Variants in ADAM9 observed in about 807,000 individuals in gnomAD.
The protein encoded by ADAM9 is ADAM metallopeptidase domain 9.
ADAM9 carries 54 observed loss-of-function variants against 108.1 expected under a neutral mutation model. That is an observed-to-expected ratio of 0.50 (90% CI 0.40 to 0.63). The LOEUF is 0.63. ADAM9 is among the 20% of genes least tolerant of loss of function. The probability of loss-of-function intolerance (pLI) is 0.00; values close to 1 mark genes in which losing one functional copy is unlikely to be tolerated. For missense variants in ADAM9, 830 were observed against 997.7 expected (o/e 0.83, Z 2.26); for synonymous variants, 316 against 336.0 (o/e 0.94, Z 0.65).
chr8:39,093,360 A>G (rs1013553717), intron 20 of ADAM9, among the ~76,000 whole-genome samples: 8 of 152,084 alleles, frequency 5.3e-5, no homozygotes, highest in African/African-American at 1.7e-4. Context: ...GTCATTCTAA[A>G]TGGAATTTTT....
chr8:39,017,373 G>C lies in ADAM9; in HGVS notation c.565G>C (p.Asp189His), dbSNP rs780209541. The change falls in exon 6 of 22, where the codon GAT (aspartate) becomes CAT (histidine). Residue 189 changes from aspartate to histidine, a missense_variant. By Grantham distance (81) the Asp-to-His change is moderately conservative. This residue lies in a region of ADAM9 where 381 missense variants were observed against 539.8 expected (regional missense o/e 0.71). Coordinates refer to ENST00000487273, the MANE Select transcript of ADAM9 (RefSeq NM_003816.3). ...GGATATAGAGAAAGAAACTGCAAAG[G>C]ATGAAGAGGAAGAGCCTCCCAGCAT... Reference protein sequence around the residue: ...NKDIEKETAKDEEEEPPSMTQ... With the variant: ...NKDIEKETAKHEEEEPPSMTQ... 1 of 1,613,942 alleles carries C rather than the reference G, an allele frequency of 6.2e-7. No individual in the cohort carries two copies. Among genetic ancestry groups the C allele is most frequent in the African/African-American group, 1.3e-5 (1 of 74,892 alleles).
chr8:39,001,960 G>A (rs781687225), intron 1 of ADAM9, among the ~76,000 whole-genome samples: 1 of 148,100 alleles, frequency 6.8e-6, no homozygotes, highest in African/African-American at 2.5e-5. Context: ...GAGCCACCAC[G>A]CCCAGCCCAA....
intron 11 of ADAM9, 85 bp from the exon 12 acceptor site, chr8:39,041,861 C>A: frequency 8.1e-7 from 1 of 1,236,932 alleles, no homozygotes; most frequent in Non-Finnish European, 1.2e-6. Context: ...AAAATATTCA[C>A]ATTTTGTGGG....
At chr8:39,058,827 T>A (rs1198231683) in intron 14 of ADAM9, among the ~76,000 whole-genome samples, 1 of 152,228 alleles carries the variant, frequency 6.6e-6, no homozygotes, top group Non-Finnish European at 1.5e-5. Flanking sequence ...TCACTATGGA[T>A]AATGGTGAGT....
rs1838053616 is a variant in ADAM9 at position 39,054,533 on chromosome 8, T to G, written c.1355T>G (p.Phe452Cys). 1.2e-6 allele frequency: 2 copies of G among 1,612,802 alleles called. No homozygotes were observed. Among genetic ancestry groups the G allele is most frequent in the Non-Finnish European group, 1.7e-6 (2 of 1,179,472 alleles). ...GGAAGTACCTGTAAGCTTAAATCAT[T>G]TGCTGAGTGTGCATATGGTGACTGT... is the stretch of plus-strand genomic sequence containing the variant. ...CEGSTCKLKS[F>C]AECAYGDCCK... The change falls in exon 13 of 22, where the codon TTT (phenylalanine) becomes TGT (cysteine). Residue 452 changes from phenylalanine to cysteine, a missense_variant. Around this residue, in one of 3 missense-constraint regions of ADAM9, gnomAD observed 381 missense variants for 539.8 expected, o/e 0.71. Coordinates refer to ENST00000487273, the MANE Select transcript of ADAM9 (RefSeq NM_003816.3).
chr8:38,999,955 T>C (rs183768569), intron 1 of ADAM9, among the ~76,000 whole-genome samples: 107 of 152,344 alleles, frequency 7.0e-4, no homozygotes, highest in Middle Eastern at 3.4e-3. Flanking sequence ...CATGCCATCC[T>C]TTTGAGTCAG....
rs1326142865 is a variant in ADAM9 at position 39,067,177 on chromosome 8, A to G, written c.1592-4121A>G. Among the ~76,000 whole-genome samples the G allele has an allele frequency of 2.6e-5, 4 of 152,188 alleles. No individual in the cohort carries two copies. The East Asian group carries it at 5.8e-4, about 22-fold the overall frequency. On this transcript the variant is annotated intron_variant, in intron 14 of 21. Coordinates refer to ENST00000487273, the MANE Select transcript of ADAM9 (RefSeq NM_003816.3). ...TGGCCTTGTAGTATAGTTTGAAGTC[A>G]GGTAGTGTGATGCCTCCAGCTTTGT...
chr8:39,025,710 T>C, intron 9 of ADAM9, 93 bp from the exon 10 acceptor site: 2 of 1,226,908 alleles, frequency 1.6e-6, no homozygotes. Context: ...GTTTTGTAGG[T>C]TCTCCCAATC....
intron 11 of ADAM9, among the ~76,000 whole-genome samples, chr8:39,033,524 T>A (rs1481203962): frequency 6.6e-6 from 1 of 151,962 alleles, no homozygotes; most frequent in Non-Finnish European, 1.5e-5. Flanking sequence ...GTTATGCTTC[T>A]AAAACATATT....
chr8:39,022,048 CATG>C (rs1307566047), intron 8 of ADAM9, among the ~76,000 whole-genome samples: 1 of 148,244 alleles, frequency 6.7e-6, no homozygotes, highest in Non-Finnish European at 1.5e-5. Context: ...ACCCTGAAAA[CATG>C]ATATGACAAT....
intron 14 of ADAM9, among the ~76,000 whole-genome samples, chr8:39,058,760 C>T (rs1838204388): frequency 6.6e-6 from 1 of 152,146 alleles, no homozygotes. Flanking sequence ...GAACTAAGGC[C>T]TCTAGTCCAG....
At position 39,101,844 on chromosome 8, in the gene ADAM9, A is replaced by ATTTTTTTTT. The variant is rs751847203; in HGVS notation, c.2299-17_2299-9dup. 3.4e-6 allele frequency: 5 copies of ATTTTTTTTT among 1,478,292 alleles called. No individual in the cohort carries two copies. Among genetic ancestry groups the ATTTTTTTTT allele is most frequent in the Non-Finnish European group, 2.8e-6 (3 of 1,073,130 alleles). 91.6% of individuals were successfully genotyped at this position (1,478,292 alleles called of 1,614,324 possible). ...ATGAGCACATAGTGGTAATAACCTT[A>ATTTTTTTTT]TTTTTTTTTTCTTTTTAGCCTATAT... On this transcript the variant is annotated intron_variant, in intron 20 of 21. Coordinates refer to ENST00000487273, the MANE Select transcript of ADAM9 (RefSeq NM_003816.3).
At chr8:39,053,762 G>T (rs1048304559) in intron 12 of ADAM9, among the ~76,000 whole-genome samples, 1 of 152,120 alleles carries the variant, frequency 6.6e-6, no homozygotes, top group Non-Finnish European at 1.5e-5. Flanking sequence ...AGGTAAAAAA[G>T]AGTGTTCAGC....
rs555568786 is a variant in ADAM9, at chr8:39,045,909, A to T, written c.1302+3792A>T. ...TTTTTTTGACTTTTTAATGATAGCCATTCTGACTATTGTAAGATGATATCT... is the reference window on the plus strand; with the variant it reads ...TTTTTTTGACTTTTTAATGATAGCCTTTCTGACTATTGTAAGATGATATCT... On this transcript the variant is annotated intron_variant, in intron 12 of 21. Coordinates refer to ENST00000487273, the MANE Select transcript of ADAM9 (RefSeq NM_003816.3). Among the ~76,000 whole-genome samples, 18 of 151,446 alleles carry T rather than the reference A, an allele frequency of 1.2e-4. No individual in the cohort carries two copies. The South Asian group carries it at 3.8e-3, about 32-fold the overall frequency.
chr8:39,050,106 A>G (rs1202140081), intron 12 of ADAM9, among the ~76,000 whole-genome samples: 2 of 152,170 alleles, frequency 1.3e-5, no homozygotes, highest in Admixed American at 1.3e-4. Context: ...CTGGCCTGCA[A>G]GATTTCTGCT....
intron 9 of ADAM9, among the ~76,000 whole-genome samples, chr8:39,024,083 C>T (rs1047873531): frequency 3.9e-5 from 6 of 152,024 alleles, no homozygotes; most frequent in African/African-American, 9.7e-5. Context: ...ACTTTGAAGG[C>T]GTTGCTCTTT....
intron 14 of ADAM9, among the ~76,000 whole-genome samples, chr8:39,068,749 A>G (rs115371020): frequency 3.8e-4 from 52 of 136,626 alleles, no homozygotes; most frequent in African/African-American, 1.3e-3. Context: ...GGGAAACAGG[A>G]GGTGAGGGAA....
chr8:39,100,881 G>T (rs1023160770), intron 20 of ADAM9, among the ~76,000 whole-genome samples: 1 of 152,206 alleles, frequency 6.6e-6, no homozygotes, highest in African/African-American at 2.4e-5. Flanking sequence ...AATGTGATAT[G>T]TGAAAAATAT....
At chr8:39,059,544 A>G (rs1838231492) in intron 14 of ADAM9, among the ~76,000 whole-genome samples, 1 of 152,212 alleles carries the variant, frequency 6.6e-6, no homozygotes, top group Non-Finnish European at 1.5e-5. Flanking sequence ...CTGGGGAAAG[A>G]ATGAGTCATC....
Sources: allele counts gnomAD v4.1 joint callset (sites outside exome capture counted in the v4.1 genomes callset), GRCh38; gene constraint gnomAD v4.1.1; regional missense constraint gnomAD v4.1.1; transcripts MANE v1.5; gene names NCBI Gene and HGNC (gene_info 2026-07-23, HGNC 2026-07-21).